LMX1A: variants seen among roughly 807,000 people sequenced by gnomAD.
LMX1A encodes LIM homeobox transcription factor 1-alpha.
A neutral mutation model predicts 49.1 loss-of-function variants in LMX1A; 15 were observed. The ratio of observed to expected loss-of-function variants is 0.31; its 90% CI spans 0.20 to 0.47. The LOEUF (loss-of-function observed/expected upper bound fraction) is 0.47. LMX1A is among the 20% of genes least tolerant of loss of function. The pLI is 1.00. For synonymous variants in LMX1A, 167 were observed against 185.7 expected, an observed-to-expected ratio of 0.90 and a Z score of 0.82; for missense variants, 372 against 475.8, an observed-to-expected ratio of 0.78 and a Z score of 2.03.
chr1:165,265,858 CAACT>C (rs1256815822), intron 3 of LMX1A, among the ~76,000 whole-genome samples: 1 of 151,952 alleles, frequency 6.6e-6, no homozygotes, highest in Non-Finnish European at 1.5e-5. Flanking sequence ...AGTTCATGAC[CAACT>C]AATTTATAGG....
At chr1:165,297,867 T>TCAGCCACC (rs1557876896) in intron 3 of LMX1A, among the ~76,000 whole-genome samples, 1 of 152,184 alleles carries the variant, frequency 6.6e-6, no homozygotes, top group Admixed American at 6.5e-5. Context: ...GGCAAGTCAT[T>TCAGCCACC]CAGCCTCTCA....
At chr1:165,251,763 T>C (rs1026390064) in intron 3 of LMX1A, among the ~76,000 whole-genome samples, 1 of 152,102 alleles carries the variant, frequency 6.6e-6, no homozygotes, top group Non-Finnish European at 1.5e-5. Flanking sequence ...TTCCATCTTC[T>C]CCTTGAATCC....
chr1:165,297,954 A>G (rs1654663461), intron 3 of LMX1A, among the ~76,000 whole-genome samples: 1 of 152,272 alleles, frequency 6.6e-6, no homozygotes. Flanking sequence ...GTGACAATGT[A>G]TGTCAAATGT....
intron 7 of LMX1A, among the ~76,000 whole-genome samples, chr1:165,206,561 C>G (rs561916168): frequency 6.6e-6 from 1 of 152,284 alleles, no homozygotes; most frequent in South Asian, 2.1e-4. Context: ...TTAAGTCTAC[C>G]TTTGGAGCGC....
intron 3 of LMX1A, among the ~76,000 whole-genome samples, chr1:165,350,002 T>G (rs2101771461): frequency 6.6e-6 from 1 of 152,240 alleles, no homozygotes; most frequent in South Asian, 2.1e-4. Context: ...CATTTAAATG[T>G]GTAGAAATAG....
At chr1:165,247,430 C>T (rs1291808169) in intron 4 of LMX1A, among the ~76,000 whole-genome samples, 1 of 152,036 alleles carries the variant, frequency 6.6e-6, no homozygotes, top group Non-Finnish European at 1.5e-5. Flanking sequence ...CTTTCTATAC[C>T]AAGTGTATAC....
intron 3 of LMX1A, among the ~76,000 whole-genome samples, chr1:165,325,790 A>G (rs936466666): frequency 1.3e-5 from 2 of 152,210 alleles, no homozygotes; most frequent in African/African-American, 4.8e-5. Context: ...TTAATAAGCC[A>G]GGAGAGTTAA....
intron 3 of LMX1A, among the ~76,000 whole-genome samples, chr1:165,304,146 C>T (rs1338035810): frequency 6.6e-6 from 1 of 151,954 alleles, no homozygotes; most frequent in Non-Finnish European, 1.5e-5. Flanking sequence ...ATAGGGTAAC[C>T]CTGGGAAAGT....
chr1:165,219,854 A>G (rs1433433912), intron 4 of LMX1A, among the ~76,000 whole-genome samples: 1 of 152,198 alleles, frequency 6.6e-6, no homozygotes, highest in Non-Finnish European at 1.5e-5. Flanking sequence ...GCTCTCACAG[A>G]TATATGTGAT....
chr1:165,307,952 C>G (rs943126341), intron 3 of LMX1A, among the ~76,000 whole-genome samples: 1 of 152,204 alleles, frequency 6.6e-6, no homozygotes. Flanking sequence ...AATGCTCCTC[C>G]CCCTTCCTCC....
chr1:165,313,545 T>C (rs1335123067), intron 3 of LMX1A, among the ~76,000 whole-genome samples: 1 of 151,190 alleles, frequency 6.6e-6, no homozygotes, highest in African/African-American at 2.4e-5. Flanking sequence ...AGAGTTTTTT[T>C]AAAGGTGTGG....
intron 3 of LMX1A, among the ~76,000 whole-genome samples, chr1:165,295,181 GT>G (rs1473551647): frequency 6.6e-6 from 1 of 151,890 alleles, no homozygotes; most frequent in Non-Finnish European, 1.5e-5. Context: ...ATGGGAAAGT[GT>G]TCACAGTAAT....
At chr1:165,219,624 G>C (rs1651766289) in intron 4 of LMX1A, among the ~76,000 whole-genome samples, 1 of 152,238 alleles carries the variant, frequency 6.6e-6, no homozygotes, top group Admixed American at 6.5e-5. Context: ...AAAAAGTGCA[G>C]TTCTCTAGAA....
intron 4 of LMX1A, among the ~76,000 whole-genome samples, chr1:165,232,196 G>A (rs1352777307): frequency 1.3e-5 from 2 of 152,176 alleles, no homozygotes; most frequent in Non-Finnish European, 2.9e-5. Context: ...ACCAGGGTAT[G>A]GAGAAGCTTA....
intron 3 of LMX1A, among the ~76,000 whole-genome samples, chr1:165,337,349 A>C (rs1213922804): frequency 6.6e-6 from 1 of 152,240 alleles, no homozygotes; most frequent in Non-Finnish European, 1.5e-5. Context: ...ATTGAAAAGC[A>C]ACTATGCATG....
At chr1:165,271,966 T>C (rs964791454) in intron 3 of LMX1A, among the ~76,000 whole-genome samples, 3 of 152,234 alleles carry the variant, frequency 2.0e-5, no homozygotes, top group African/African-American at 7.2e-5. Flanking sequence ...ATGGCTACCA[T>C]GTTGGACAGC....
intron 3 of LMX1A, among the ~76,000 whole-genome samples, chr1:165,326,833 T>TC (rs1171390791): frequency 6.6e-6 from 1 of 152,156 alleles, no homozygotes; most frequent in Non-Finnish European, 1.5e-5. Flanking sequence ...ATTCTAGATG[T>TC]CTAGAGATAT....
At chr1:165,248,011 G>C (rs1373412119) in intron 4 of LMX1A, among the ~76,000 whole-genome samples, 1 of 152,194 alleles carries the variant, frequency 6.6e-6, no homozygotes, top group African/African-American at 2.4e-5. Flanking sequence ...GAATATAGTG[G>C]TAAATAAGAC....
At chr1:165,287,240 T>A (rs189990401) in intron 3 of LMX1A, among the ~76,000 whole-genome samples, 15 of 152,174 alleles carry the variant, frequency 9.9e-5, no homozygotes, top group African/African-American at 3.1e-4. Context: ...CTGAAGATGG[T>A]TCGGGGGCAG....
Sources: gnomAD v4.1 joint callset for allele counts (sites outside exome capture counted in the v4.1 genomes callset) on GRCh38, gnomAD v4.1.1 for gene constraint, MANE v1.5 for transcripts, NCBI Gene and HGNC (gene_info 2026-07-23, HGNC 2026-07-21) for gene names.